The following NDST4 variants were observed in gnomAD, a reference collection of about 807,000 sequenced individuals.
The protein encoded by NDST4 is N-heparan sulfate sulfotransferase 4.
NDST4 carries 63 observed loss-of-function variants against 100.8 expected under a neutral mutation model. The observed-to-expected ratio is 0.62, with a 90% CI of 0.51 to 0.77. NDST4 has a LOEUF of 0.77. Among genes scored for constraint, NDST4 ranks in the 30% least tolerant of loss-of-function variants. The pLI is 0.00. For synonymous variants in NDST4, 377 were observed against 361.8 expected, an observed-to-expected ratio of 1.04 and a Z score of -0.48; for missense variants, 943 against 1,018.4, an observed-to-expected ratio of 0.93 and a Z score of 1.01.
At chr4:115,022,544 C>T (rs541902341) in intron 2 of NDST4, among the ~76,000 whole-genome samples, 17 of 136,480 alleles carry the variant, frequency 1.2e-4, no homozygotes, top group Non-Finnish European at 1.7e-4. Context: ...ACTTCTCAGA[C>T]GTAAAAATGA....
intron 1 of NDST4, among the ~76,000 whole-genome samples, chr4:115,096,939 C>T (rs1729631050): frequency 6.6e-6 from 1 of 152,048 alleles, no homozygotes; most frequent in Non-Finnish European, 1.5e-5. Context: ...TTTTGCTCCT[C>T]ATCTTATCTT....
chr4:114,846,968 G>A (rs987351168), intron 9 of NDST4, among the ~76,000 whole-genome samples: 7 of 152,020 alleles, frequency 4.6e-5, no homozygotes, highest in African/African-American at 1.4e-4. Flanking sequence ...TTAAAAGTAA[G>A]GTAGGATATA....
At chr4:114,880,853 A>G (rs577886551) in intron 6 of NDST4, among the ~76,000 whole-genome samples, 2 of 152,208 alleles carry the variant, frequency 1.3e-5, no homozygotes, top group African/African-American at 4.8e-5. Context: ...TGTCTTCTTG[A>G]AAGAGAAACA....
rs71584042 is a variant in NDST4 at position 114,842,618 on chromosome 4, TAAAAAAAAA to T, written c.2116-3079_2116-3071del. 1.8e-3 allele frequency: 72 copies of T among 41,046 alleles called. 1 individual carries two copies. The highest frequency in any genetic ancestry group is 6.1e-3 in the African/African-American group (61 of 9,948). 2.5% of individuals were successfully genotyped at this position (41,046 alleles called of 1,614,324 possible). ...AAACACGATGAAAACCAGTCTCTAC[TAAAAAAAAA>T]AAAAAAAAAAAAAAAAAAAAAAAAT... On this transcript the variant is annotated intron_variant, in intron 10 of 13. Coordinates refer to ENST00000264363, the MANE Select transcript of NDST4 (RefSeq NM_022569.3).
intron 4 of NDST4, among the ~76,000 whole-genome samples, chr4:114,963,394 C>CA (rs1726307558): frequency 6.6e-6 from 1 of 151,780 alleles, no homozygotes; most frequent in South Asian, 2.1e-4. Context: ...TCTGTGAAGA[C>CA]AAAAAGTAAA....
At chr4:114,840,665 T>A (rs1723405672) in intron 10 of NDST4, among the ~76,000 whole-genome samples, 1 of 152,198 alleles carries the variant, frequency 6.6e-6, no homozygotes, top group South Asian at 2.1e-4. Flanking sequence ...AAGGTAAGTT[T>A]GAGCTAAGAT....
intron 1 of NDST4, among the ~76,000 whole-genome samples, chr4:115,106,530 T>G (rs1382065506): frequency 2.6e-5 from 4 of 152,110 alleles, no homozygotes; most frequent in Non-Finnish European, 4.4e-5. Context: ...CTGTATACTC[T>G]AGCTCAATTC....
chr4:115,025,014 A>T (rs1727951215), intron 2 of NDST4, among the ~76,000 whole-genome samples: 1 of 152,210 alleles, frequency 6.6e-6, no homozygotes, highest in African/African-American at 2.4e-5. Context: ...CGTGGGTGAC[A>T]CGGCACAAAG....
intron 1 of NDST4, among the ~76,000 whole-genome samples, chr4:115,103,256 A>C (rs1043671126): frequency 1.3e-5 from 2 of 152,132 alleles, no homozygotes; most frequent in Non-Finnish European, 2.9e-5. Flanking sequence ...AAAAGCTATA[A>C]ATTTTAATTA....
At chr4:114,960,026 C>A (rs1726226704) in intron 4 of NDST4, among the ~76,000 whole-genome samples, 2 of 152,078 alleles carry the variant, frequency 1.3e-5, no homozygotes. Context: ...ATCAGCAAAT[C>A]TTGAAAGTCG....
At chr4:115,030,827 T>C (rs995127224) in intron 2 of NDST4, among the ~76,000 whole-genome samples, 5 of 152,110 alleles carry the variant, frequency 3.3e-5, no homozygotes, top group African/African-American at 1.2e-4. Context: ...TCATGTTCTA[T>C]CGAGAATAGT....
At chr4:114,896,876 C>A (rs921859961) in intron 6 of NDST4, among the ~76,000 whole-genome samples, 2 of 152,062 alleles carry the variant, frequency 1.3e-5, no homozygotes, top group African/African-American at 4.8e-5. Flanking sequence ...CAACCATGTA[C>A]AACTCAAACT....
At chr4:114,835,120 G>A (rs1453915833) in intron 11 of NDST4, among the ~76,000 whole-genome samples, 3 of 151,942 alleles carry the variant, frequency 2.0e-5, no homozygotes, top group African/African-American at 7.3e-5. Flanking sequence ...CTTCAGTTCT[G>A]CTCTAATTTT....
At chr4:114,843,518 A>T (rs1179375072) in intron 10 of NDST4, among the ~76,000 whole-genome samples, 1 of 152,192 alleles carries the variant, frequency 6.6e-6, no homozygotes, top group African/African-American at 2.4e-5. Flanking sequence ...GTCTTTCGCA[A>T]GTGCTGCCTC....
rs899221545 is a variant in NDST4 at position 114,952,162 on chromosome 4, A to T, written c.1222-14659T>A. Among the ~76,000 whole-genome samples, 122 of 152,280 alleles carry T rather than the reference A, an allele frequency of 8.0e-4. 2 individuals carry two copies. Among genetic ancestry groups the T allele is most frequent in the Middle Eastern group, 3.4e-3 (1 of 294 alleles). ...TGATTTTTAAGGCTTTACACTTACC[A>T]AAAATAATAATAACAAGGTATCCAG... is the stretch of plus-strand genomic sequence containing the variant. On this transcript the variant is annotated intron_variant, in intron 4 of 13. Coordinates refer to ENST00000264363, the MANE Select transcript of NDST4 (RefSeq NM_022569.3).
At chr4:114,944,369 TA>T (rs1725815475) in intron 4 of NDST4, among the ~76,000 whole-genome samples, 1 of 152,186 alleles carries the variant, frequency 6.6e-6, no homozygotes, top group Non-Finnish European at 1.5e-5. Flanking sequence ...CCACATCACA[TA>T]TAACTCTCTC....
At chr4:115,049,972 G>T (rs966691838) in intron 2 of NDST4, among the ~76,000 whole-genome samples, 10 of 152,058 alleles carry the variant, frequency 6.6e-5, no homozygotes, top group African/African-American at 9.7e-5. Context: ...TAATGAGAGG[G>T]TATTGCCTAA....
chr4:115,023,019 T>G (rs1360450629), intron 2 of NDST4, among the ~76,000 whole-genome samples: 1 of 152,126 alleles, frequency 6.6e-6, no homozygotes, highest in Admixed American at 6.5e-5. Flanking sequence ...TTCTCACTCA[T>G]AAGCGCGAGC....
In NDST4 at chr4:114,929,113, C is replaced by CCATCTATCT. The variant is rs1560817117; in HGVS notation, c.1536+6092_1536+6093insAGATAGATG. The stretch of plus-strand genomic sequence containing the variant: ...CCATCCATCCATCCATCCATCCATC[C>CCATCTATCT]ATCTATCTATCTATCTATCTATCTA... On this transcript the variant is annotated intron_variant, in intron 6 of 13. Coordinates refer to ENST00000264363, the MANE Select transcript of NDST4 (RefSeq NM_022569.3). Among the ~76,000 whole-genome samples the CCATCTATCT allele has an allele frequency of 5.8e-4, 68 of 117,480 alleles. No homozygotes were observed. The South Asian group carries it at 6.2e-3, about 11-fold the overall frequency. 77.1% of individuals were successfully genotyped at this position (117,480 alleles called of 152,430 possible).
Sources: gnomAD v4.1 joint callset for allele counts (sites outside exome capture counted in the v4.1 genomes callset) on GRCh38, gnomAD v4.1.1 for gene constraint, MANE v1.5 for transcripts, NCBI Gene and HGNC (gene_info 2026-07-23, HGNC 2026-07-21) for gene names.